Variants in MDGA2 observed in about 807,000 individuals in gnomAD.
MDGA2 encodes the protein MAM domain containing glycosylphosphatidylinositol anchor 2.
A neutral mutation model predicts 117.8 loss-of-function variants in MDGA2; 40 were observed. The ratio of observed to expected loss-of-function variants is 0.34; its 90% CI spans 0.26 to 0.44. MDGA2 has a LOEUF of 0.44. Among genes scored for constraint, MDGA2 ranks in the 20% least tolerant of loss-of-function variants. The probability of loss-of-function intolerance (pLI) is 1.00; values close to 1 mark genes in which losing one functional copy is unlikely to be tolerated. For synonymous variants in MDGA2, 452 were observed against 439.0 expected (o/e 1.03, Z -0.37); for missense variants, 1,123 against 1,250.6 (o/e 0.90, Z 1.54).
intron 1 of MDGA2, among the ~76,000 whole-genome samples, chr14:47,524,534 T>C (rs757397782): frequency 4.6e-5 from 7 of 152,232 alleles, no homozygotes; most frequent in Non-Finnish European, 8.8e-5. Context: ...GTTATATTTA[T>C]AGCAGTTTTG....
intron 8 of MDGA2, among the ~76,000 whole-genome samples, chr14:46,979,245 T>A (rs77754131): frequency 0.058 from 8,747 of 152,108 alleles, 489 homozygotes; most frequent in Admixed American, 0.18. Context: ...ATATGTGTTG[T>A]GTGTGTTCTG....
intron 4 of MDGA2, among the ~76,000 whole-genome samples, chr14:47,134,726 T>C (rs758973064): frequency 2.0e-5 from 3 of 151,604 alleles, no homozygotes; most frequent in East Asian, 3.9e-4. Context: ...TGAAACAATA[T>C]ATAATACATG....
intron 6 of MDGA2, among the ~76,000 whole-genome samples, chr14:47,074,925 C>T (rs1217058867): frequency 6.6e-6 from 1 of 152,182 alleles, no homozygotes; most frequent in East Asian, 1.9e-4. Flanking sequence ...TGCAGCACTT[C>T]AATCAATGTT....
At chr14:47,134,037 C>T (rs1180893738) in intron 4 of MDGA2, among the ~76,000 whole-genome samples, 2 of 151,970 alleles carry the variant, frequency 1.3e-5, no homozygotes, top group Non-Finnish European at 2.9e-5. Flanking sequence ...TACAACTGTG[C>T]TTTGATATAC....
chr14:46,960,947 TATACACAC>T (rs769096019), intron 8 of MDGA2, among the ~76,000 whole-genome samples: 53 of 137,098 alleles, frequency 3.9e-4, no homozygotes, highest in African/African-American at 1.5e-3. Context: ...CGTATATATA[TATACACAC>T]ACACACACAC....
intron 7 of MDGA2, among the ~76,000 whole-genome samples, chr14:47,052,423 G>A (rs893715098): frequency 6.6e-6 from 1 of 151,836 alleles, no homozygotes; most frequent in East Asian, 1.9e-4. Flanking sequence ...TCAAACCTTT[G>A]TTCTGATATT....
chr14:47,021,333 A>G (rs1162330064), intron 8 of MDGA2, among the ~76,000 whole-genome samples: 1 of 152,176 alleles, frequency 6.6e-6, no homozygotes, highest in African/African-American at 2.4e-5. Flanking sequence ...ACCAAAGGGA[A>G]AGATTAAGGT....
At chr14:47,641,891 G>T (rs1897431989) in intron 1 of MDGA2, among the ~76,000 whole-genome samples, 1 of 152,210 alleles carries the variant, frequency 6.6e-6, no homozygotes, top group South Asian at 2.1e-4. Flanking sequence ...GAGATGCAAG[G>T]ATAGGAATGG....
chr14:47,317,920 C>G (rs1330403366), intron 1 of MDGA2, among the ~76,000 whole-genome samples: 1 of 152,080 alleles, frequency 6.6e-6, no homozygotes, highest in African/African-American at 2.4e-5. Flanking sequence ...ATTGAATTCA[C>G]GTTCAACACC....
At chr14:46,909,096 T>G (rs758879423) in intron 10 of MDGA2, among the ~76,000 whole-genome samples, 1 of 152,192 alleles carries the variant, frequency 6.6e-6, no homozygotes, top group Admixed American at 6.6e-5. Context: ...AACTATACGC[T>G]TCATGAGATC....
At chr14:47,444,999 G>T (rs1316875612) in intron 1 of MDGA2, among the ~76,000 whole-genome samples, 1 of 152,170 alleles carries the variant, frequency 6.6e-6, no homozygotes, top group East Asian at 1.9e-4. Flanking sequence ...TAATAAGTCA[G>T]AGATTAAGAC....
chr14:47,652,571 C>A lies in MDGA2; in HGVS notation c.280+21946G>T, dbSNP rs534759700. On this transcript the variant is annotated intron_variant, in intron 1 of 16. Coordinates refer to ENST00000399232, the MANE Select transcript of MDGA2 (RefSeq NM_001113498.3). Reference sequence around the variant, plus strand: ...TGAAATAGAATTAAACTTTGATTCACAAGTAACAAGCTTATAAAGATGATA... The same window carrying A: ...TGAAATAGAATTAAACTTTGATTCAAAAGTAACAAGCTTATAAAGATGATA... 1.2e-3 allele frequency among the ~76,000 whole-genome samples: 177 copies of A among 152,152 alleles called. 2 individuals are homozygous for A. Among genetic ancestry groups the A allele is most frequent in the African/African-American group, 4.1e-3 (170 of 41,518 alleles).
At chr14:47,183,884 A>G (rs1406586468) in intron 3 of MDGA2, among the ~76,000 whole-genome samples, 1 of 151,898 alleles carries the variant, frequency 6.6e-6, no homozygotes, top group East Asian at 1.9e-4. Context: ...TTTCCTCTAC[A>G]TAGAAATCTC....
intron 2 of MDGA2, among the ~76,000 whole-genome samples, chr14:47,292,001 T>C (rs139536045): frequency 6.6e-6 from 1 of 152,276 alleles, no homozygotes; most frequent in Admixed American, 6.5e-5. Context: ...AAGCATGCAT[T>C]TGTTAGATTA....
intron 1 of MDGA2, among the ~76,000 whole-genome samples, chr14:47,353,268 GA>G (rs1449933501): frequency 3.9e-5 from 6 of 152,170 alleles, no homozygotes; most frequent in African/African-American, 1.4e-4. Flanking sequence ...AAGGTGAAAT[GA>G]AAATGCATAT....
intron 1 of MDGA2, among the ~76,000 whole-genome samples, chr14:47,322,443 A>G (rs1366494617): frequency 6.6e-6 from 1 of 152,172 alleles, no homozygotes; most frequent in Non-Finnish European, 1.5e-5. Flanking sequence ...AGTGCTTTCT[A>G]GCAAGAAAAT....
chr14:47,261,905 G>T (rs1887809230), intron 2 of MDGA2, among the ~76,000 whole-genome samples: 2 of 152,110 alleles, frequency 1.3e-5, no homozygotes, highest in Admixed American at 6.6e-5. Flanking sequence ...CAAGGAGAGT[G>T]GGGGACTCAT....
intron 1 of MDGA2, among the ~76,000 whole-genome samples, chr14:47,645,798 C>T (rs371843105): frequency 6.6e-6 from 1 of 151,644 alleles, no homozygotes; most frequent in African/African-American, 2.4e-5. Flanking sequence ...ACTGGCTGGG[C>T]GCGGTGGCTC....
chr14:47,233,351 T>C (rs1168352782), intron 2 of MDGA2, among the ~76,000 whole-genome samples: 1 of 152,154 alleles, frequency 6.6e-6, no homozygotes, highest in African/African-American at 2.4e-5. Context: ...AAAACCGATA[T>C]ATTAAAATCT....
Sources: allele counts gnomAD v4.1 joint callset (sites outside exome capture counted in the v4.1 genomes callset), GRCh38; gene constraint gnomAD v4.1.1; transcripts MANE v1.5; gene names NCBI Gene and HGNC (gene_info 2026-07-23, HGNC 2026-07-21).